RAI1: variants seen among roughly 807,000 people sequenced by gnomAD.
The protein encoded by RAI1 is retinoic acid induced 1.
RAI1 carries 9 observed loss-of-function variants against 123.8 expected under a neutral mutation model. The observed-to-expected ratio is 0.07, with a 90% CI of 0.04 to 0.13. RAI1 has a LOEUF of 0.13. Ranked by LOEUF, RAI1 falls within the 10% of genes least tolerant of loss-of-function variation. The pLI, the probability that RAI1 is intolerant of heterozygous loss-of-function variation, is 1.00. For missense variants in RAI1, 2,256 were observed against 2,545.8 expected, an observed-to-expected ratio of 0.89 and a Z score of 2.45; for synonymous variants, 1,231 against 1,127.3, an observed-to-expected ratio of 1.09 and a Z score of -1.84.
At chr17:17,684,636 C>T (rs867662648) in intron 1 of RAI1, 1 of 145,706 alleles carries the variant, frequency 6.9e-6, no homozygotes, top group South Asian at 2.2e-4. Context: ...ATAGTTTGAA[C>T]GTATCCTTCC....
chr17:17,767,368 C>G (rs1439891208), intron 2 of RAI1, among the ~76,000 whole-genome samples: 1 of 151,036 alleles, frequency 6.6e-6, no homozygotes, highest in Non-Finnish European at 1.5e-5. Context: ...CCCATTCATT[C>G]TAGAAAACTC....
intron 1 of RAI1, among the ~76,000 whole-genome samples, chr17:17,686,303 G>A (rs1264834555): frequency 1.3e-5 from 2 of 151,522 alleles, no homozygotes; most frequent in African/African-American, 4.9e-5. Flanking sequence ...AGATGAGTGG[G>A]GTGAGGGGCT....
chr17:17,774,648 C>A (rs898446741), intron 2 of RAI1, among the ~76,000 whole-genome samples: 1 of 152,260 alleles, frequency 6.6e-6, no homozygotes, highest in Non-Finnish European at 1.5e-5. Flanking sequence ...CTCCTGTCTT[C>A]CCGGCCGCAC....
chr17:17,725,271 C>A (rs572768707), intron 2 of RAI1, among the ~76,000 whole-genome samples: 12 of 152,142 alleles, frequency 7.9e-5, no homozygotes, highest in Non-Finnish European at 1.6e-4. Flanking sequence ...CTCCTCCCCT[C>A]TGGTACAATG....
intron 2 of RAI1, among the ~76,000 whole-genome samples, chr17:17,752,993 G>A (rs951649956): frequency 1.3e-5 from 2 of 152,224 alleles, no homozygotes; most frequent in African/African-American, 4.8e-5. Context: ...TTCCTTGGTG[G>A]GTGGTGCCGG....
At chr17:17,744,885 A>G (rs1916771251) in intron 2 of RAI1, among the ~76,000 whole-genome samples, 1 of 151,312 alleles carries the variant, frequency 6.6e-6, no homozygotes, top group Non-Finnish European at 1.5e-5. Flanking sequence ...TACTTTTACT[A>G]GTGTAATCTG....
At chr17:17,739,868 G>T (rs1207423693) in intron 2 of RAI1, among the ~76,000 whole-genome samples, 1 of 152,214 alleles carries the variant, frequency 6.6e-6, no homozygotes, top group African/African-American at 2.4e-5. Flanking sequence ...GGGCCACGGG[G>T]GCTGACCTTG....
At chr17:17,694,926 G>C (rs1024847052) in intron 1 of RAI1, among the ~76,000 whole-genome samples, 1 of 152,096 alleles carries the variant, frequency 6.6e-6, no homozygotes, top group African/African-American at 2.4e-5. Context: ...CGGCGCTTGC[G>C]GGTTACCGGG....
chr17:17,792,692 A>G (rs997036066), intron 2 of RAI1, among the ~76,000 whole-genome samples: 5 of 151,738 alleles, frequency 3.3e-5, no homozygotes, highest in Non-Finnish European at 5.9e-5. Flanking sequence ...AGCGGGAATT[A>G]CAGAGCACAC....
In RAI1 at chr17:17,810,814, C is replaced by T. The variant is rs1413410532; in HGVS notation, c.*833C>T. On this transcript the variant is annotated 3_prime_UTR_variant, in exon 6 of 6. Coordinates refer to ENST00000353383, the MANE Select transcript of RAI1 (RefSeq NM_030665.4). The surrounding 1 kb of genome is among the most constrained non-coding windows in gnomAD (Gnocchi z 4.6). The stretch of plus-strand genomic sequence containing the variant: ...AGAACGCACCTCCGGCTCCGGCGGA[C>T]GCGCGACCGTTGTGCACCACCAGGG... The T allele has an allele frequency of 2.2e-6, 1 of 454,702 alleles. No individual in the cohort carries two copies. Among genetic ancestry groups the T allele is most frequent in the African/African-American group, 2.0e-5 (1 of 50,012 alleles). 28.2% of individuals were successfully genotyped at this position (454,702 alleles called of 1,614,324 possible). A position where few individuals can be genotyped will look rare whatever the true frequency, so the allele number is the denominator to read the frequency against.
At chr17:17,760,143 G>T (rs925903195) in intron 2 of RAI1, among the ~76,000 whole-genome samples, 3 of 152,148 alleles carry the variant, frequency 2.0e-5, no homozygotes, top group African/African-American at 7.2e-5. Context: ...TGCCAGCCCT[G>T]GGGGAAAGAC....
At chr17:17,750,202 C>A (rs1281209908) in intron 2 of RAI1, among the ~76,000 whole-genome samples, 4 of 152,268 alleles carry the variant, frequency 2.6e-5, no homozygotes, top group Non-Finnish European at 5.9e-5. Context: ...GGACGGAGAA[C>A]AGGTTTTCGT....
At chr17:17,710,676 C>T (rs1209928858) in intron 1 of RAI1, among the ~76,000 whole-genome samples, 1 of 152,232 alleles carries the variant, frequency 6.6e-6, no homozygotes. Context: ...GGACTGGCCC[C>T]CTCCTCATTT....
chr17:17,741,043 A>G (rs567846594), intron 2 of RAI1, among the ~76,000 whole-genome samples: 20 of 152,168 alleles, frequency 1.3e-4, no homozygotes, highest in African/African-American at 4.6e-4. Context: ...CCGCCGTCAG[A>G]GCATCCGGAG....
intron 2 of RAI1, among the ~76,000 whole-genome samples, chr17:17,774,666 G>A (rs1005403689): frequency 6.6e-6 from 1 of 152,272 alleles, no homozygotes; most frequent in Non-Finnish European, 1.5e-5. Context: ...CACCTCCACA[G>A]CCAGCAAGGA....
intron 2 of RAI1, among the ~76,000 whole-genome samples, chr17:17,771,359 G>A (rs114462920): frequency 0.027 from 4,071 of 152,302 alleles, 177 homozygotes; most frequent in African/African-American, 0.092. Context: ...TGAAAGGCCC[G>A]ACTAGCTGTT....
chr17:17,797,808 GC>G lies in RAI1; in HGVS notation c.4863del (p.Lys1622SerfsTer59). The G allele has an allele frequency of 6.2e-7, 1 of 1,613,998 alleles. No individual in the cohort carries two copies. The highest frequency in any genetic ancestry group is 1.3e-5 in the African/African-American group (1 of 75,016). Reference protein sequence around the residue: ...CTVVNSPGDAPKPHRKPSSSA... With the variant: ...CTVVNSPGDAXKPHRKPSSSA... ...CTGTTGTCAACTCCCCTGGAGATGC[GC>G]CCAAGCCCCACAGGAAGCCTTCCTC... On this transcript the variant is annotated frameshift_variant, in exon 3 of 6. Transcript: ENST00000353383.
chr17:17,783,986 CT>C (rs371135731), intron 2 of RAI1, among the ~76,000 whole-genome samples: 1 of 152,174 alleles, frequency 6.6e-6, no homozygotes, highest in Admixed American at 6.5e-5. Context: ...TCTCTCTCCC[CT>C]TTTTTCTCTC....
At position 17,799,620 on chromosome 17, in the gene RAI1, A is replaced by G. The variant is rs750260708; in HGVS notation, c.5565+1107A>G. On this transcript the variant is annotated intron_variant, in intron 3 of 5. Coordinates refer to ENST00000353383, the MANE Select transcript of RAI1 (RefSeq NM_030665.4). This position sits in a 1 kb window ranked among gnomAD's most constrained non-coding sequence, Gnocchi z 4.5. ...CCCTGCCCTGAGTCCCATCCCCTCC[A>G]CTCCTTCCTTCAACCCACTATGTGC... Among the ~76,000 whole-genome samples the G allele has an allele frequency of 4.3e-4, 64 of 150,296 alleles. No individual in the cohort carries two copies. The highest frequency in any genetic ancestry group is 7.1e-4 in the Non-Finnish European group (48 of 67,488).
Sources: allele counts gnomAD v4.1 joint callset (sites outside exome capture counted in the v4.1 genomes callset), GRCh38; gene constraint gnomAD v4.1.1; non-coding constraint Gnocchi (gnomAD v3.1); transcripts MANE v1.5; gene names NCBI Gene and HGNC (gene_info 2026-07-23, HGNC 2026-07-21).